The following EBF1 variants were observed in gnomAD, a reference collection of about 807,000 sequenced individuals.
EBF1 encodes transcription factor COE1.
EBF1 carries 10 observed loss-of-function variants against 68.4 expected under a neutral mutation model. The observed-to-expected ratio is 0.15, with a 90% CI of 0.09 to 0.25. The LOEUF is 0.25. Among genes scored for constraint, EBF1 ranks in the 10% least tolerant of loss-of-function variants. The probability of loss-of-function intolerance (pLI) is 1.00; values close to 1 mark genes in which losing one functional copy is unlikely to be tolerated. For missense variants in EBF1, 509 were observed against 794.4 expected, an observed-to-expected ratio of 0.64 and a Z score of 4.32; for synonymous variants, 298 against 299.8, an observed-to-expected ratio of 0.99 and a Z score of 0.06.
chr5:158,731,050 A>G lies in EBF1; in HGVS notation c.1125+19T>C. ...TCAAGTCCAAATTTTCAGGAATTAC[A>G]AAAAGGCAGTATCCTCACCTTTGGC... On this transcript the variant is annotated intron_variant, in intron 11 of 15. Coordinates refer to ENST00000313708, the MANE Select transcript of EBF1 (RefSeq NM_024007.5). 2 of 1,605,864 alleles carry G rather than the reference A, an allele frequency of 1.2e-6. No individual in the cohort carries two copies. The highest frequency in any genetic ancestry group is 1.7e-6 in the Non-Finnish European group (2 of 1,175,946).
intron 11 of EBF1, among the ~76,000 whole-genome samples, chr5:158,714,387 T>C (rs1346634280): frequency 6.6e-6 from 1 of 152,208 alleles, no homozygotes; most frequent in African/African-American, 2.4e-5. Context: ...GTGAGCATCA[T>C]TGGTACTGCG....
chr5:158,948,068 A>C (rs1365359257), intron 6 of EBF1, among the ~76,000 whole-genome samples: 1 of 152,226 alleles, frequency 6.6e-6, no homozygotes. Context: ...CCTAAGAACT[A>C]TTCTGGAAGC....
At chr5:158,702,771 A>AAAG (rs1757028963) in intron 15 of EBF1, among the ~76,000 whole-genome samples, 1 of 150,592 alleles carries the variant, frequency 6.6e-6, no homozygotes, top group Non-Finnish European at 1.5e-5. Context: ...AAAAAAAAAA[A>AAAG]AAAAGAATTA....
intron 6 of EBF1, among the ~76,000 whole-genome samples, chr5:158,866,883 A>G (rs1413433479): frequency 5.7e-5 from 4 of 70,746 alleles, no homozygotes; most frequent in African/African-American, 9.5e-5. Flanking sequence ...ATATATATAT[A>G]TATATATATA....
At chr5:158,736,344 A>G (rs1204525135) in intron 10 of EBF1, among the ~76,000 whole-genome samples, 1 of 152,182 alleles carries the variant, frequency 6.6e-6, no homozygotes, top group Non-Finnish European at 1.5e-5. Flanking sequence ...CCAGGGGAAA[A>G]GTGCTTTGGG....
chr5:158,985,572 T>TA (rs1380950463), intron 6 of EBF1, among the ~76,000 whole-genome samples: 2 of 152,250 alleles, frequency 1.3e-5, no homozygotes, highest in Non-Finnish European at 2.9e-5. Flanking sequence ...AAAATACTTT[T>TA]AAAATGCAAA....
Position 158,823,309 on chromosome 5 carries a change from C to T in EBF1, c.645G>A (p.Val215=). The change falls in exon 8 of 16, where the codon GTG becomes GTA. Residue 215 remains valine, a synonymous_variant. Coordinates refer to ENST00000313708, the MANE Select transcript of EBF1 (RefSeq NM_024007.5). ...PRDMRRFQVV[V]STTVNVDGHV... Reference sequence around the variant, plus strand: ...GGCCATCCACATTGACTGTCGTAGACACCACGACCTGGAGACATAAGAAAG... The same window carrying T: ...GGCCATCCACATTGACTGTCGTAGATACCACGACCTGGAGACATAAGAAAG... The T allele has an allele frequency of 6.2e-7, 1 of 1,611,288 alleles. No homozygotes were observed. Among genetic ancestry groups the T allele is most frequent in the Middle Eastern group, 1.7e-4 (1 of 6,038 alleles).
intron 6 of EBF1, among the ~76,000 whole-genome samples, chr5:158,938,930 C>G (rs1218528829): frequency 2.6e-5 from 4 of 152,152 alleles, no homozygotes; most frequent in African/African-American, 9.7e-5. Flanking sequence ...GCTTAGGGCC[C>G]CTCCAAGAGA....
At chr5:158,770,808 G>A (rs138469940) in intron 10 of EBF1, among the ~76,000 whole-genome samples, 16 of 152,192 alleles carry the variant, frequency 1.1e-4, no homozygotes, top group African/African-American at 3.4e-4. Context: ...CTAACTGACT[G>A]GTCAGGGCTC....
chr5:159,006,647 T>TAAA (rs36045942), intron 6 of EBF1, among the ~76,000 whole-genome samples: 9,312 of 55,902 alleles, frequency 0.17, 2,608 homozygotes, highest in Non-Finnish European at 0.22. Context: ...ATAGCCATGT[T>TAAA]AAAAAAAAAA....
At chr5:159,027,467 A>G (rs571029351) in intron 6 of EBF1, among the ~76,000 whole-genome samples, 14 of 152,250 alleles carry the variant, frequency 9.2e-5, no homozygotes, top group Admixed American at 5.9e-4. Context: ...TCAGCACTCA[A>G]TCATTATTTT....
chr5:159,023,311 CT>C (rs1430095652), intron 6 of EBF1, among the ~76,000 whole-genome samples: 6 of 152,068 alleles, frequency 3.9e-5, no homozygotes, highest in Non-Finnish European at 5.9e-5. Flanking sequence ...CACTAAAAAC[CT>C]TATGAAAAAC....
rs116356280 is a variant in EBF1 at position 158,776,911 on chromosome 5, G to A, written c.1036+502C>T. Among the ~76,000 whole-genome samples, 1,466 of 152,276 alleles carry A rather than the reference G, an allele frequency of 9.6e-3. 34 individuals carry two copies. Among genetic ancestry groups the A allele is most frequent in the African/African-American group, 0.032 (1,350 of 41,560 alleles). ...CACTCTGAAACCCTAGCTTCTTGCC[G>A]CAAGGCGGATCCATGTGCCAAGGCT... On this transcript the variant is annotated intron_variant, in intron 10 of 15. Coordinates refer to ENST00000313708, the MANE Select transcript of EBF1 (RefSeq NM_024007.5).
intron 6 of EBF1, among the ~76,000 whole-genome samples, chr5:159,072,309 T>G (rs1481370465): frequency 6.6e-6 from 1 of 152,238 alleles, no homozygotes; most frequent in Non-Finnish European, 1.5e-5. Context: ...CAATCGATCT[T>G]TTGGCATAAA....
chr5:158,792,345 G>A (rs1401248011), intron 9 of EBF1, among the ~76,000 whole-genome samples: 3 of 152,180 alleles, frequency 2.0e-5, no homozygotes, highest in African/African-American at 4.8e-5. Flanking sequence ...AGCTGAGTTA[G>A]GAGCAATAAA....
At chr5:158,871,451 C>T (rs912692822) in intron 6 of EBF1, among the ~76,000 whole-genome samples, 1 of 152,046 alleles carries the variant, frequency 6.6e-6, no homozygotes, top group South Asian at 2.1e-4. Context: ...GAATATTTAC[C>T]TAATAATAAT....
intron 6 of EBF1, among the ~76,000 whole-genome samples, chr5:158,988,347 C>T (rs1441910839): frequency 6.6e-6 from 1 of 152,158 alleles, no homozygotes; most frequent in Admixed American, 6.5e-5. Context: ...TCCCTATACG[C>T]TGACTCTTGA....
intron 6 of EBF1, among the ~76,000 whole-genome samples, chr5:158,912,814 T>A (rs2127370243): frequency 6.6e-6 from 1 of 152,244 alleles, no homozygotes; most frequent in East Asian, 1.9e-4. Flanking sequence ...CTTCCTACTC[T>A]CTATCAGCCT....
chr5:158,728,436 C>A (rs563417937), intron 11 of EBF1, among the ~76,000 whole-genome samples: 2 of 152,346 alleles, frequency 1.3e-5, no homozygotes, highest in African/African-American at 4.8e-5. Context: ...ACATAACATG[C>A]AACCATAAAA....
Sources: allele counts gnomAD v4.1 joint callset (sites outside exome capture counted in the v4.1 genomes callset), GRCh38; gene constraint gnomAD v4.1.1; transcripts MANE v1.5; gene names NCBI Gene and HGNC (gene_info 2026-07-23, HGNC 2026-07-21).